Variants in GTF2H1 observed in about 807,000 individuals in gnomAD.
GTF2H1 encodes the protein general transcription factor IIH subunit 1.
GTF2H1 carries 16 observed loss-of-function variants against 71.2 expected under a neutral mutation model. The ratio of observed to expected loss-of-function variants is 0.22; its 90% CI spans 0.15 to 0.34. GTF2H1 has a LOEUF of 0.34. Ranked by LOEUF, GTF2H1 falls within the 10% of genes least tolerant of loss-of-function variation. The pLI, the probability that GTF2H1 is intolerant of heterozygous loss-of-function variation, is 1.00. For missense variants in GTF2H1, 498 were observed against 648.2 expected (o/e 0.77, Z 2.52); for synonymous variants, 215 against 219.0 (o/e 0.98, Z 0.16).
Position 18,365,085 on chromosome 11 carries a change from A to G in GTF2H1, c.1561-698A>G, listed in dbSNP as rs566386239. Among the ~76,000 whole-genome samples the G allele has an allele frequency of 6.4e-4, 97 of 151,146 alleles. 3 individuals carry two copies. The highest frequency in any genetic ancestry group is 1.9e-3 in the African/African-American group (77 of 41,140). ...TCTCCACTATTTAAAAAAGAAAAAA[A>G]AAAAAAACCTGGCCGGGCATGGTGG... On this transcript the variant is annotated intron_variant, in intron 14 of 14. Coordinates refer to ENST00000265963, the MANE Select transcript of GTF2H1 (RefSeq NM_005316.4).
chr11:18,358,471 G>T, intron 12 of GTF2H1, 54 bp from the exon 13 acceptor site: 1 of 992,324 alleles, frequency 1.0e-6, no homozygotes, highest in South Asian at 1.4e-5. Flanking sequence ...TTTTTTTCGA[G>T]ACTGTATATG....
At chr11:18,362,188 G>A (rs1434178871) in intron 14 of GTF2H1, among the ~76,000 whole-genome samples, 1 of 152,144 alleles carries the variant, frequency 6.6e-6, no homozygotes, top group African/African-American at 2.4e-5. Flanking sequence ...ACTAAATACT[G>A]TAAACAGTTT....
chr11:18,346,583 TATA>T (rs937907385), intron 7 of GTF2H1, among the ~76,000 whole-genome samples: 1 of 152,174 alleles, frequency 6.6e-6, no homozygotes, highest in African/African-American at 2.4e-5. Context: ...TGTTTTAAAA[TATA>T]ATCTCATTTT....
chr11:18,326,643 G>T (rs1864774428), intron 1 of GTF2H1, among the ~76,000 whole-genome samples: 2 of 151,888 alleles, frequency 1.3e-5, no homozygotes, highest in Non-Finnish European at 2.9e-5. Context: ...AAAGGTCTTT[G>T]TATTATTTTC....
intron 9 of GTF2H1, chr11:18,348,805 A>G (rs1421699982): frequency 1.3e-5 from 2 of 152,224 alleles, no homozygotes; most frequent in Non-Finnish European, 2.9e-5. Context: ...CTAAACGGTT[A>G]TCTTTCAATA....
chr11:18,352,545 G>A (rs993578962), intron 11 of GTF2H1, 99 bp downstream of exon 11: 24 of 581,040 alleles, frequency 4.1e-5, no homozygotes, highest in African/African-American at 4.0e-4. Context: ...ATTTTAATTG[G>A]GCTTAAAGAC....
intron 3 of GTF2H1, 128 bp downstream of exon 3, chr11:18,336,074 T>C (rs1865020665): frequency 3.2e-6 from 2 of 634,004 alleles, no homozygotes; most frequent in Non-Finnish European, 5.3e-6. Context: ...GTTGTCGTTT[T>C]TGTTTTTGTT....
At chr11:18,357,829 T>C (rs1865594344) in intron 11 of GTF2H1, 123 bp from the exon 12 acceptor site, 2 of 708,510 alleles carry the variant, frequency 2.8e-6, no homozygotes, top group Non-Finnish European at 5.2e-6. Context: ...GTAAATGATG[T>C]AGTATTTAAA....
chr11:18,364,836 T>C (rs981771722), intron 14 of GTF2H1, among the ~76,000 whole-genome samples: 3 of 152,148 alleles, frequency 2.0e-5, no homozygotes, highest in Non-Finnish European at 2.9e-5. Flanking sequence ...CAGAATTAAC[T>C]GCAGGAGCTT....
chr11:18,365,511 C>T (rs994492537), intron 14 of GTF2H1, among the ~76,000 whole-genome samples: 2 of 152,304 alleles, frequency 1.3e-5, no homozygotes, highest in African/African-American at 4.8e-5. Context: ...GCCTGGAGCA[C>T]AATTGTGACT....
chr11:18,326,537 A>G (rs1864771350), intron 1 of GTF2H1, among the ~76,000 whole-genome samples: 2 of 150,200 alleles, frequency 1.3e-5, no homozygotes, highest in Non-Finnish European at 1.5e-5. Context: ...AAAAAAGGTT[A>G]TGTTTTTCCC....
At chr11:18,345,834 G>GGCTAGAGT (rs1481360681) in intron 7 of GTF2H1, among the ~76,000 whole-genome samples, 2 of 130,808 alleles carry the variant, frequency 1.5e-5, no homozygotes, top group Non-Finnish European at 3.1e-5. Context: ...CTGTCACCCA[G>GGCTAGAGT]GCTAGAGTGC....
intron 7 of GTF2H1, among the ~76,000 whole-genome samples, chr11:18,342,132 T>TGTGATCAA (rs1274388375): frequency 6.6e-6 from 1 of 152,150 alleles, no homozygotes; most frequent in Non-Finnish European, 1.5e-5. Flanking sequence ...TGGTTCCTGT[T>TGTGATCAA]GTGATCAAGG....
intron 9 of GTF2H1, among the ~76,000 whole-genome samples, chr11:18,351,163 T>C (rs1290573900): frequency 6.6e-6 from 1 of 152,078 alleles, no homozygotes; most frequent in African/African-American, 2.4e-5. Flanking sequence ...CATGGTAGCA[T>C]GTGTCTGTAA....
In GTF2H1 at chr11:18,335,800, G is replaced by A. The variant is rs762631967; in HGVS notation, c.201G>A (p.Leu67=). 1 of 1,613,962 alleles carries A rather than the reference G, an allele frequency of 6.2e-7. No homozygotes were observed. Among genetic ancestry groups the A allele is most frequent in the Non-Finnish European group, 8.5e-7 (1 of 1,179,916 alleles). ...GAAAAGCTAAAATTCAGCTTCAGCT[G>A]GTCCTACATGCAGGGGACACAACTA... ...PEGKAKIQLQ[L]VLHAGDTTNF... Residue 67 remains leucine, a synonymous_variant, in exon 3 of 15, where the codon CTG becomes CTA. Transcript: ENST00000265963.
At chr11:18,355,061 C>T (rs772309826) in intron 11 of GTF2H1, among the ~76,000 whole-genome samples, 5 of 151,900 alleles carry the variant, frequency 3.3e-5, no homozygotes, top group Admixed American at 6.6e-5. Context: ...CCACTCGCCT[C>T]GGCCTCCCAA....
At chr11:18,328,907 G>GT (rs1436962624) in intron 1 of GTF2H1, among the ~76,000 whole-genome samples, 3 of 151,776 alleles carry the variant, frequency 2.0e-5, no homozygotes, top group Non-Finnish European at 4.4e-5. Flanking sequence ...TCTTAAAACA[G>GT]TTTTTTAAAC....
rs1220398073 is a variant in GTF2H1 at position 18,333,125 on chromosome 11, A to G, written c.51A>G (p.Gln17=). The change falls in exon 2 of 15, where the codon CAA becomes CAG. Residue 17 remains glutamine (Q), a synonymous_variant. Transcript: ENST00000265963. ...EVLLIVKKVR[Q]KKQDGALYLM... ...TGCTGATTGTAAAGAAAGTGCGTCA[A>G]AAGAAGCAGGATGGAGCTCTGTACC... The G allele has an allele frequency of 2.5e-6, 4 of 1,613,164 alleles. No homozygotes were observed. The highest frequency in any genetic ancestry group is 4.5e-5 in the East Asian group (2 of 44,860).
chr11:18,341,127 T>G, intron 5 of GTF2H1, 134 bp from the exon 6 acceptor site: 1 of 627,970 alleles, frequency 1.6e-6, no homozygotes, highest in Middle Eastern at 4.4e-4. Context: ...TATTTATAAT[T>G]AGATTATAAC....
Sources: gnomAD v4.1 joint callset for allele counts (sites outside exome capture counted in the v4.1 genomes callset) on GRCh38, gnomAD v4.1.1 for gene constraint, MANE v1.5 for transcripts, NCBI Gene and HGNC (gene_info 2026-07-23, HGNC 2026-07-21) for gene names.